The following SPATA17 variants were observed in gnomAD, a reference collection of about 807,000 sequenced individuals.
The protein encoded by SPATA17 is spermatogenesis associated 17, also known as spermatogenesis-associated protein 17.
In SPATA17, 53 loss-of-function variants were observed where a neutral mutation model predicts 62.2. The observed-to-expected ratio is 0.85, with a 90% CI of 0.68 to 1.07. SPATA17 has a LOEUF of 1.07. SPATA17 is among the 50% of genes least tolerant of loss of function. The pLI is 0.00. For synonymous variants in SPATA17, 146 were observed against 146.8 expected, an observed-to-expected ratio of 0.99 and a Z score of 0.04; for missense variants, 466 against 425.5, an observed-to-expected ratio of 1.10 and a Z score of -0.84.
At chr1:217,729,486 G>T (rs919631676) in intron 5 of SPATA17, among the ~76,000 whole-genome samples, 8 of 152,200 alleles carry the variant, frequency 5.3e-5, no homozygotes, top group East Asian at 3.9e-4. Flanking sequence ...TTGATGACAG[G>T]TTCTTTTATA....
chr1:217,809,594 T>C (rs1674533980), intron 9 of SPATA17, among the ~76,000 whole-genome samples: 1 of 152,016 alleles, frequency 6.6e-6, no homozygotes, highest in Non-Finnish European at 1.5e-5. Context: ...TAACAAACCC[T>C]TGAGGGAATG....
At chr1:217,737,957 TG>T (rs1672548343) in intron 5 of SPATA17, 1 of 152,544 alleles carries the variant, frequency 6.6e-6, no homozygotes, top group Admixed American at 6.6e-5. Context: ...CCTGAGTAGC[TG>T]GGATTACAGG....
chr1:217,832,639 C>T (rs1291926716), intron 9 of SPATA17, among the ~76,000 whole-genome samples: 1 of 152,040 alleles, frequency 6.6e-6, no homozygotes, highest in African/African-American at 2.4e-5. Flanking sequence ...GACATTCTCA[C>T]ATAAAAATAA....
intron 7 of SPATA17, among the ~76,000 whole-genome samples, chr1:217,779,018 T>A (rs1350896062): frequency 6.6e-6 from 1 of 151,998 alleles, no homozygotes; most frequent in African/African-American, 2.4e-5. Context: ...ATAGAAATAA[T>A]GTATGGATGA....
At chr1:217,827,675 A>G (rs576398167) in intron 9 of SPATA17, among the ~76,000 whole-genome samples, 235 of 152,294 alleles carry the variant, frequency 1.5e-3, no homozygotes, top group African/African-American at 5.5e-3. Context: ...AATGTGGTAT[A>G]TATACACCAT....
At chr1:217,814,402 G>A (rs1201385525) in intron 9 of SPATA17, among the ~76,000 whole-genome samples, 1 of 152,180 alleles carries the variant, frequency 6.6e-6, no homozygotes, top group Non-Finnish European at 1.5e-5. Context: ...CAGGTAAGAT[G>A]TTTGCCCTAG....
chr1:217,650,222 AG>A (rs1670279064), intron 2 of SPATA17, among the ~76,000 whole-genome samples: 1 of 152,070 alleles, frequency 6.6e-6, no homozygotes, highest in Admixed American at 6.5e-5. Context: ...AACAGGCATG[AG>A]CCACGGCGCC....
chr1:217,802,724 T>C (rs142981545), intron 9 of SPATA17, among the ~76,000 whole-genome samples: 5 of 152,278 alleles, frequency 3.3e-5, no homozygotes, highest in African/African-American at 1.2e-4. Flanking sequence ...GATTAGATAT[T>C]CAACATATGA....
chr1:217,839,518 C>T (rs990693149), intron 9 of SPATA17, among the ~76,000 whole-genome samples: 1 of 151,972 alleles, frequency 6.6e-6, no homozygotes, highest in Non-Finnish European at 1.5e-5. Flanking sequence ...TTCCCTAAAG[C>T]TTAGACTGTT....
chr1:217,839,129 A>T (rs957388409), intron 9 of SPATA17, among the ~76,000 whole-genome samples: 1 of 152,104 alleles, frequency 6.6e-6, no homozygotes, highest in Admixed American at 6.6e-5. Flanking sequence ...TGAGTAGTGC[A>T]GTGTCAACCA....
At chr1:217,743,710 A>G (rs1440191626) in intron 6 of SPATA17, among the ~76,000 whole-genome samples, 4 of 152,028 alleles carry the variant, frequency 2.6e-5, no homozygotes, top group Non-Finnish European at 4.4e-5. Context: ...CCTGGGTTCA[A>G]GCAATTCTCC....
intron 2 of SPATA17, among the ~76,000 whole-genome samples, chr1:217,650,553 A>G (rs889524359): frequency 1.3e-5 from 2 of 151,956 alleles, no homozygotes; most frequent in Non-Finnish European, 2.9e-5. Context: ...AATAGCCAGG[A>G]CTACAGGCGC....
At chr1:217,822,910 A>C (rs769479066) in intron 9 of SPATA17, among the ~76,000 whole-genome samples, 1 of 151,596 alleles carries the variant, frequency 6.6e-6, no homozygotes. Flanking sequence ...ATGATGTTAT[A>C]TATTCACTGT....
At chr1:217,649,064 A>T (rs1014476797) in intron 2 of SPATA17, 93 bp downstream of exon 2, 5 of 813,936 alleles carry the variant, frequency 6.1e-6, no homozygotes, top group Non-Finnish European at 9.3e-6. Context: ...ATTTCAAATA[A>T]TTTTTTATTT....
intron 5 of SPATA17, among the ~76,000 whole-genome samples, chr1:217,701,454 C>T (rs926528368): frequency 2.6e-5 from 4 of 151,808 alleles, no homozygotes; most frequent in African/African-American, 7.3e-5. Flanking sequence ...GTCGTGATCT[C>T]GGCTCACTGC....
In SPATA17 at chr1:217,747,850, T is replaced by C. The variant is rs1022785145; in HGVS notation, c.519+5752T>C. On this transcript the variant is annotated intron_variant, in intron 6 of 10. Transcript: ENST00000366933. ...AGTGAAAATACTACTGAAAAAACTATTTTAAGTTATTTATGATTTAAAAAG... is the reference window on the plus strand; with the variant it reads ...AGTGAAAATACTACTGAAAAAACTACTTTAAGTTATTTATGATTTAAAAAG... Among the ~76,000 whole-genome samples the C allele has an allele frequency of 2.0e-5, 3 of 152,200 alleles. No individual in the cohort carries two copies. In the East Asian group the frequency reaches 5.8e-4, roughly 29 times the overall value.
At chr1:217,799,735 G>A (rs1035851197) in intron 8 of SPATA17, among the ~76,000 whole-genome samples, 3 of 151,780 alleles carry the variant, frequency 2.0e-5, no homozygotes, top group South Asian at 2.1e-4. Context: ...TTTATTAAAT[G>A]GCAAAAATAA....
chr1:217,677,811 G>A (rs184429806), intron 4 of SPATA17, among the ~76,000 whole-genome samples: 142 of 152,166 alleles, frequency 9.3e-4, no homozygotes, highest in African/African-American at 3.1e-3. Context: ...TTAAAGAGAG[G>A]AAACTGCACA....
intron 6 of SPATA17, 90 bp downstream of exon 6, chr1:217,742,188 T>G (rs1184178448): frequency 2.0e-6 from 3 of 1,487,602 alleles, no homozygotes; most frequent in South Asian, 1.2e-5. Context: ...GGACATGACT[T>G]GTTGAAAAGA....
Sources: allele counts gnomAD v4.1 joint callset (sites outside exome capture counted in the v4.1 genomes callset), GRCh38; gene constraint gnomAD v4.1.1; transcripts MANE v1.5; gene names NCBI Gene and HGNC (gene_info 2026-07-23, HGNC 2026-07-21).